Variants in CLIC1 observed in about 807,000 individuals in gnomAD.
The protein encoded by CLIC1 is chloride intracellular channel protein 1.
In CLIC1, 16 loss-of-function variants were observed where a neutral mutation model predicts 26.4. The observed-to-expected ratio is 0.61, with a 90% CI of 0.41 to 0.92. The LOEUF (loss-of-function observed/expected upper bound fraction) is 0.92. Ranked by LOEUF, CLIC1 falls within the 40% of genes least tolerant of loss-of-function variation. CLIC1 has a pLI of 0.00. For missense variants in CLIC1, 225 were observed against 289.7 expected (o/e 0.78, Z 1.62); for synonymous variants, 98 against 120.8 (o/e 0.81, Z 1.24).
Position 31,736,338 on chromosome 6 carries a change from G to T in CLIC1, c.-38C>A. On this transcript the variant is annotated 5_prime_UTR_variant, in exon 1 of 6. Transcript: ENST00000375784. The surrounding 1 kb of genome is among the most constrained non-coding windows in gnomAD (Gnocchi z 5.0). ...GACCAGGAAGTGGCCGTCCCTGGGG[G>T]AACTGGGAGGGGCTGGGACCGGGGA... 6.2e-7 allele frequency: 1 copy of T among 1,612,464 alleles called. No individual in the cohort carries two copies. The highest frequency in any genetic ancestry group is 8.5e-7 in the Non-Finnish European group (1 of 1,179,922).
At position 31,732,124 on chromosome 6, in the gene CLIC1, C is replaced by T. The variant is rs17201053; in HGVS notation, c.564+93G>A. On this transcript the variant is annotated intron_variant, in intron 5 of 5. Coordinates refer to ENST00000375784, the Ensembl canonical transcript of CLIC1. This position sits in a 1 kb window ranked among gnomAD's most constrained non-coding sequence, Gnocchi z 5.0. ...ATGAAAACCACCCTAAGAAAGAAAT[C>T]GTCTTTAGAGTGGTTGTCAGGGGAA... is the stretch of plus-strand genomic sequence containing the variant. 11,908 of 1,076,478 alleles carry T rather than the reference C, an allele frequency of 0.011. 100 individuals are homozygous for T. The highest frequency in any genetic ancestry group is 0.013 in the Non-Finnish European group (10,102 of 793,766). 66.7% of individuals were successfully genotyped at this position (1,076,478 alleles called of 1,614,324 possible). A position where few individuals can be genotyped will look rare whatever the true frequency, so the allele number is the denominator to read the frequency against.
chr6:31,732,582 G>A lies in CLIC1; in HGVS notation c.383-184C>T, dbSNP rs939985743. ...TTTATGTTAGACGGAGTCTTGCTCC[G>A]TTGCCCAGGCTGGAGTGCAGTGGCA... On this transcript the variant is annotated intron_variant, in intron 4 of 5. Coordinates refer to ENST00000375784, the Ensembl canonical transcript of CLIC1. This position sits in a 1 kb window ranked among gnomAD's most constrained non-coding sequence, Gnocchi z 5.0. 2.0e-5 allele frequency among the ~76,000 whole-genome samples: 3 copies of A among 152,008 alleles called. No individual in the cohort carries two copies. The highest frequency in any genetic ancestry group is 6.6e-5 in the Admixed American group (1 of 15,264).
At position 31,736,150 on chromosome 6, in the gene CLIC1, ATTGGGGGTGG is replaced by A. The variant is rs1808315981; in HGVS notation, c.39+102_39+111del. ...CCCTCAACCAAAGAGTGCACGTGGG[ATTGGGGGTGG>A]GAGTCAAGGAGGGAAGGGATTGGGG... On this transcript the variant is annotated intron_variant, in intron 1 of 5. Transcript: ENST00000375784. This position sits in a 1 kb window ranked among gnomAD's most constrained non-coding sequence, Gnocchi z 5.0. The A allele has an allele frequency of 9.3e-7, 1 of 1,080,952 alleles. No homozygotes were observed. Among genetic ancestry groups the A allele is most frequent in the African/African-American group, 1.5e-5 (1 of 64,588 alleles). 67.0% of individuals were successfully genotyped at this position (1,080,952 alleles called of 1,614,324 possible).
chr6:31,736,535 G>C lies in CLIC1; in HGVS notation c.-235C>G. The C allele has an allele frequency of 2.2e-6, 3 of 1,366,914 alleles. No individual in the cohort carries two copies. The highest frequency in any genetic ancestry group is 2.8e-6 in the Non-Finnish European group (3 of 1,058,884). The allele number at this position is 1,366,914 out of a possible 1,614,324, so 84.7% of individuals were successfully genotyped here. ...CTCTCCCGGGCTGGATCAGAGAGCCGCTGACTCACCGACCGGCCCCGCCCT... is the reference window on the plus strand; with the variant it reads ...CTCTCCCGGGCTGGATCAGAGAGCCCCTGACTCACCGACCGGCCCCGCCCT... On this transcript the variant is annotated 5_prime_UTR_variant, in exon 1 of 6. Transcript: ENST00000375784. The surrounding 1 kb of genome is among the most constrained non-coding windows in gnomAD (Gnocchi z 5.0).
In CLIC1 at chr6:31,733,119, CA is replaced by C. The variant is rs998562829; in HGVS notation, c.382+446del. On this transcript the variant is annotated intron_variant, in intron 4 of 5. Transcript: ENST00000375784. The surrounding 1 kb of genome is among the most constrained non-coding windows in gnomAD (Gnocchi z 5.4). ...TGGGCGACAGAACGAGACTCCATCT[CA>C]AAAAAAAAGAAAAAAAAAAATTTAT... 3.6e-5 allele frequency among the ~76,000 whole-genome samples: 5 copies of C among 138,254 alleles called. No homozygotes were observed. Among genetic ancestry groups the C allele is most frequent in the Non-Finnish European group, 7.8e-5 (5 of 64,340 alleles). The allele number at this position is 138,254 out of a possible 152,430, so 90.7% of individuals were successfully genotyped here.
At position 31,734,739 on chromosome 6, in the gene CLIC1, C is replaced by A. The variant is rs140725250; in HGVS notation, c.40-476G>T. 2.1e-4 allele frequency among the ~76,000 whole-genome samples: 32 copies of A among 152,172 alleles called. 1 individual carries two copies. The East Asian group carries it at 5.8e-3, about 28-fold the overall frequency. On this transcript the variant is annotated intron_variant, in intron 1 of 5. Transcript: ENST00000375784. This position sits in a 1 kb window ranked among gnomAD's most constrained non-coding sequence, Gnocchi z 5.3. ...TCTAGTCAAGGGGCCCTGGGCCTCG[C>A]GCTAGAGATGTGGAGGGCCCTACAG...
chr6:31,737,280 C>A (rs1808388773), upstream of CLIC1: 1 of 152,030 alleles, frequency 6.6e-6, no homozygotes, highest in Non-Finnish European at 1.5e-5. Context: ...AAAAATTTGC[C>A]AGGCGGGGTG....
rs780211994 is a variant in CLIC1, at chr6:31,730,983, C to G, written c.585G>C (p.Arg195=). The change falls in exon 6 of 6, where the codon CGG becomes CGC. Residue 195 remains arginine (R), a synonymous_variant. Coordinates refer to ENST00000375784, the Ensembl canonical transcript of CLIC1. The surrounding 1 kb of genome is among the most constrained non-coding windows in gnomAD (Gnocchi z 5.1). Reference sequence around the variant, plus strand: ...GGAAGGCCTCGGGGATGGTGAATCCCCGGTACTTCTTACACACCACCTGAG... The same window carrying G: ...GGAAGGCCTCGGGGATGGTGAATCCGCGGTACTTCTTACACACCACCTGAG... 3.1e-6 allele frequency: 5 copies of G among 1,612,750 alleles called. No individual in the cohort carries two copies. The East Asian group carries it at 8.9e-5, about 29-fold the overall frequency.
Position 31,736,214 on chromosome 6 carries a change from G to A in CLIC1, c.39+48C>T. The A allele has an allele frequency of 6.3e-7, 1 of 1,597,600 alleles. No homozygotes were observed. Among genetic ancestry groups the A allele is most frequent in the Non-Finnish European group, 8.6e-7 (1 of 1,166,082 alleles). On this transcript the variant is annotated intron_variant, in intron 1 of 5. Transcript: ENST00000375784. The surrounding 1 kb of genome is among the most constrained non-coding windows in gnomAD (Gnocchi z 5.0). ...TAAGGCTGGACCGGGGGAAAGGTGA[G>A]AGTTGGCTTCCAGGAATTTGGGTGG...
Position 31,733,840 on chromosome 6 carries a change from G to C in CLIC1, c.271C>G (p.Pro91Ala), listed in dbSNP as rs751589371. ...ACTTTCTGAGTGCCCCTATACCTGG[G>C]AGGGCACAGCACTGCCTCCAGAAAT... Residue 91 changes from proline (P) to alanine (A), a missense_variant, in exon 3 of 6, where the codon CCC becomes GCC. Physicochemically the swap from Pro to Ala is conservative, Grantham distance 27 (BLOSUM62 -1). Coordinates refer to ENST00000375784, the Ensembl canonical transcript of CLIC1. The surrounding 1 kb of genome is among the most constrained non-coding windows in gnomAD (Gnocchi z 5.4). 6.2e-7 allele frequency: 1 copy of C among 1,613,982 alleles called. No homozygotes were observed. The highest frequency in any genetic ancestry group is 1.3e-5 in the African/African-American group (1 of 74,910).
chr6:31,733,976 A>G lies in CLIC1; in HGVS notation c.150-15T>C. Reference sequence around the variant, plus strand: ...TCTCGGTCCGCCTGGAGAAAGGATCAGGAATCAGGACTGGAAATGGGGGTC... The same window carrying G: ...TCTCGGTCCGCCTGGAGAAAGGATCGGGAATCAGGACTGGAAATGGGGGTC... On this transcript the variant is annotated splice_polypyrimidine_tract_variant and intron_variant, in intron 2 of 5. Transcript: ENST00000375784. The surrounding 1 kb of genome is among the most constrained non-coding windows in gnomAD (Gnocchi z 5.4). 4 of 1,610,732 alleles carry G rather than the reference A, an allele frequency of 2.5e-6. No homozygotes were observed. Among genetic ancestry groups the G allele is most frequent in the Non-Finnish European group, 3.4e-6 (4 of 1,177,932 alleles).
chr6:31,736,517 G>C lies in CLIC1; in HGVS notation c.-217C>G. 4 of 1,381,456 alleles carry C rather than the reference G, an allele frequency of 2.9e-6. No homozygotes were observed. The highest frequency in any genetic ancestry group is 3.7e-6 in the Non-Finnish European group (4 of 1,067,248). The allele number at this position is 1,381,456 out of a possible 1,614,324, so 85.6% of individuals were successfully genotyped here. ...AGCTCCTCCAGCTCGGTCCTCTCCC[G>C]GGCTGGATCAGAGAGCCGCTGACTC... is the stretch of plus-strand genomic sequence containing the variant. On this transcript the variant is annotated 5_prime_UTR_variant, in exon 1 of 6. Coordinates refer to ENST00000375784, the Ensembl canonical transcript of CLIC1. This position sits in a 1 kb window ranked among gnomAD's most constrained non-coding sequence, Gnocchi z 5.0.
rs1459084744 is a variant in CLIC1, at chr6:31,733,240, G to C, written c.382+326C>G. ...ATGATTGCTCAAAATTATACGGCTA[G>C]TTGGATTTGTACTCAGGTAGTCTGG... is the stretch of plus-strand genomic sequence containing the variant. On this transcript the variant is annotated intron_variant, in intron 4 of 5. Coordinates refer to ENST00000375784, the Ensembl canonical transcript of CLIC1. This position sits in a 1 kb window ranked among gnomAD's most constrained non-coding sequence, Gnocchi z 5.4. Among the ~76,000 whole-genome samples the C allele has an allele frequency of 6.6e-6, 1 of 152,150 alleles. No homozygotes were observed. Among genetic ancestry groups the C allele is most frequent in the African/African-American group, 2.4e-5 (1 of 41,436 alleles).
upstream of CLIC1, chr6:31,737,027 T>A (rs28366163): frequency 0.074 from 61,334 of 832,938 alleles, 2,574 homozygotes; most frequent in African/African-American, 0.15. Context: ...CCCAGACTGG[T>A]GTCTCAGTAG....
intron 1 of CLIC1, among the ~76,000 whole-genome samples, chr6:31,735,204 G>A (rs920030376): frequency 6.6e-6 from 1 of 151,550 alleles, no homozygotes; most frequent in African/African-American, 2.4e-5. Flanking sequence ...AGAAACAAAA[G>A]GGGGGAAGGG....
Position 31,732,118 on chromosome 6 carries a change from A to T in CLIC1, c.564+99T>A, listed in dbSNP as rs1406300684. 4.8e-5 allele frequency: 50 copies of T among 1,041,988 alleles called. No homozygotes were observed. The highest frequency in any genetic ancestry group is 6.2e-5 in the Admixed American group (2 of 32,396). The allele number at this position is 1,041,988 out of a possible 1,614,324, so 64.5% of individuals were successfully genotyped here. On this transcript the variant is annotated intron_variant, in intron 5 of 5. Transcript: ENST00000375784. The surrounding 1 kb of genome is among the most constrained non-coding windows in gnomAD (Gnocchi z 5.0). ...CAATTTATGAAAACCACCCTAAGAA[A>T]GAAATCGTCTTTAGAGTGGTTGTCA...
At chr6:31,731,283 C>T (rs1481059381) in intron 5 of CLIC1, among the ~76,000 whole-genome samples, 1 of 151,912 alleles carries the variant, frequency 6.6e-6, no homozygotes, top group Non-Finnish European at 1.5e-5. Context: ...ACACAGGTGA[C>T]TTTTGTCTCT....
Position 31,732,111 on chromosome 6 carries a change from C to T in CLIC1, c.564+106G>A, listed in dbSNP as rs1475625798. ...TTGGTAGCAATTTATGAAAACCACC[C>T]TAAGAAAGAAATCGTCTTTAGAGTG... On this transcript the variant is annotated intron_variant, in intron 5 of 5. Transcript: ENST00000375784. The surrounding 1 kb of genome is among the most constrained non-coding windows in gnomAD (Gnocchi z 5.0). The T allele has an allele frequency of 1.0e-6, 1 of 999,112 alleles. No individual in the cohort carries two copies. The highest frequency in any genetic ancestry group is 2.9e-5 in the East Asian group (1 of 34,266). 61.9% of individuals were successfully genotyped at this position (999,112 alleles called of 1,614,324 possible). A position where few individuals can be genotyped will look rare whatever the true frequency, so the allele number is the denominator to read the frequency against.
At chr6:31,735,451 T>C (rs1218435165) in intron 1 of CLIC1, among the ~76,000 whole-genome samples, 3 of 149,594 alleles carry the variant, frequency 2.0e-5, no homozygotes, top group Non-Finnish European at 3.0e-5. Flanking sequence ...CCAAATGCCA[T>C]AGGACCATCT....
Sources: gnomAD v4.1 joint callset for allele counts (sites outside exome capture counted in the v4.1 genomes callset) on GRCh38, gnomAD v4.1.1 for gene constraint, Gnocchi (gnomAD v3.1) non-coding constraint, MANE v1.5 for transcripts, NCBI Gene and HGNC (gene_info 2026-07-23, HGNC 2026-07-21) for gene names.